TGOLN2: variants seen among roughly 807,000 people sequenced by gnomAD.
The protein encoded by TGOLN2 is trans-Golgi network integral membrane protein 2.
A neutral mutation model predicts 31.3 loss-of-function variants in TGOLN2; 19 were observed. The observed-to-expected ratio is 0.61, with a 90% confidence interval of 0.42 to 0.89. TGOLN2 has a LOEUF of 0.89. Among genes scored for constraint, TGOLN2 ranks in the 40% least tolerant of loss-of-function variants. The pLI, the probability that TGOLN2 is intolerant of heterozygous loss-of-function variation, is 0.00. For missense variants in TGOLN2, 540 were observed against 559.2 expected (o/e 0.97, Z 0.35); for synonymous variants, 222 against 226.7 (o/e 0.98, Z 0.19).
chr2:85,322,478 G>C lies in TGOLN2; in HGVS notation c.*258C>G, dbSNP rs1682581034. 1 of 611,548 alleles carries C rather than the reference G, an allele frequency of 1.6e-6. No homozygotes were observed. Among genetic ancestry groups the C allele is most frequent in the African/African-American group, 1.9e-5 (1 of 52,748 alleles). 37.9% of individuals were successfully genotyped at this position (611,548 alleles called of 1,614,324 possible). On this transcript the variant is annotated 3_prime_UTR_variant, in exon 4 of 4. Transcript: ENST00000377386. ...TGGAAGCCACCAGCATAAATAAAGGGAACACAGAAGAACAATGTCACCAAA... is the reference window on the plus strand; with the variant it reads ...TGGAAGCCACCAGCATAAATAAAGGCAACACAGAAGAACAATGTCACCAAA...
intron 3 of TGOLN2, chr2:85,324,299 A>G (rs1682653402): frequency 6.6e-6 from 1 of 152,414 alleles, no homozygotes. Context: ...TGGCGCCTGT[A>G]ATCCTAGCTA....
At position 85,322,635 on chromosome 2, in the gene TGOLN2, G is replaced by A; in HGVS notation, c.*101C>T. 1 of 1,582,162 alleles carries A rather than the reference G, an allele frequency of 6.3e-7. No homozygotes were observed. The highest frequency in any genetic ancestry group is 1.2e-5 in the South Asian group (1 of 85,258). ...CTTTTGATTTAGAAACAAATCAGCA[G>A]GGAGGACAAGGTTCTCAAGGACAAA... On this transcript the variant is annotated 3_prime_UTR_variant, in exon 4 of 4. Coordinates refer to ENST00000377386, the MANE Select transcript of TGOLN2 (RefSeq NM_006464.4).
In TGOLN2 at chr2:85,318,278, T is replaced by C. The variant is rs932302638; in HGVS notation, c.*4458A>G. ...AAAAGAAGAGAAACAATTTCAACCATTAATCATTTATCAAACATGAAGTCT... is the reference window on the plus strand; with the variant it reads ...AAAAGAAGAGAAACAATTTCAACCACTAATCATTTATCAAACATGAAGTCT... On this transcript the variant is annotated 3_prime_UTR_variant, in exon 4 of 4. Coordinates refer to ENST00000377386, the MANE Select transcript of TGOLN2 (RefSeq NM_006464.4). The C allele has an allele frequency of 3.3e-5, 5 of 152,136 alleles. No homozygotes were observed. Among genetic ancestry groups the C allele is most frequent in the East Asian group, 1.9e-4 (1 of 5,206 alleles). 9.4% of individuals were successfully genotyped at this position (152,136 alleles called of 1,614,324 possible).
chr2:85,327,545 G>T lies in TGOLN2; in HGVS notation c.187C>A (p.Pro63Thr). 1 of 1,614,072 alleles carries T rather than the reference G, an allele frequency of 6.2e-7. No homozygotes were observed. Among genetic ancestry groups the T allele is most frequent in the Non-Finnish European group, 8.5e-7 (1 of 1,179,914 alleles). Residue 63 changes from proline to threonine, a missense_variant, in exon 2 of 4, where the codon CCA (proline) becomes ACA (threonine). By Grantham distance (38) the Pro-to-Thr change is conservative (BLOSUM62 -1). Transcript: ENST00000377386. The part of the protein sequence containing the change: ...STKSHPEPQT[P>T]KDSPSKSSAE... ...CTCGACTTGCTAGGGCTGTCTTTTG[G>T]AGTCTGCGGCTCCGGATGCGACTTG... is the stretch of plus-strand genomic sequence containing the variant.
intron 2 of TGOLN2, among the ~76,000 whole-genome samples, chr2:85,326,019 T>C (rs576533196): frequency 6.6e-6 from 1 of 152,192 alleles, no homozygotes; most frequent in Admixed American, 6.5e-5. Context: ...CTAATTATTA[T>C]TAATTGCAGA....
chr2:85,326,361 A>T, intron 2 of TGOLN2, 147 bp downstream of exon 2: 1 of 686,546 alleles, frequency 1.5e-6, no homozygotes, highest in Non-Finnish European at 2.4e-6. Flanking sequence ...AAGAGTAAAG[A>T]GGCCTAATAG....
At chr2:85,325,640 G>A (rs1360580474) in intron 2 of TGOLN2, among the ~76,000 whole-genome samples, 1 of 152,054 alleles carries the variant, frequency 6.6e-6, no homozygotes, top group Non-Finnish European at 1.5e-5. Context: ...ACCACATCTG[G>A]CTAATTTTTT....
chr2:85,323,803 G>A (rs1682633279), intron 3 of TGOLN2, among the ~76,000 whole-genome samples: 1 of 152,214 alleles, frequency 6.6e-6, no homozygotes, highest in South Asian at 2.1e-4. Flanking sequence ...CCAATGTCCT[G>A]GCTGTTGCTA....
At chr2:85,322,888 T>C in intron 3 of TGOLN2, 147 bp from the exon 4 acceptor site, 1 of 1,351,696 alleles carries the variant, frequency 7.4e-7, no homozygotes, top group East Asian at 2.5e-5. Context: ...ACTAGAAAGA[T>C]ATACACTTGA....
At position 85,327,131 on chromosome 2, in the gene TGOLN2, G is replaced by C. The variant is rs757086445; in HGVS notation, c.601C>G (p.Gln201Glu). ...TTGTTAGGGACGTCTTTTGGGGTCT[G>C]ATCCTCCGCACCCGACTTGCTGGAG... is the stretch of plus-strand genomic sequence containing the variant. ...DGSSKSGAED[Q>E]TPKDVPNKSG... Residue 201 changes from glutamine to glutamate, a missense_variant, in exon 2 of 4, where the codon CAG becomes GAG. Gln to Glu is a conservative substitution (Grantham distance 29, BLOSUM62 2). Coordinates refer to ENST00000377386, the MANE Select transcript of TGOLN2 (RefSeq NM_006464.4). 8.1e-6 allele frequency: 13 copies of C among 1,613,514 alleles called. No individual in the cohort carries two copies. In the African/African-American group the frequency reaches 1.2e-4, roughly 15 times the overall value.
At position 85,322,528 on chromosome 2, in the gene TGOLN2, C is replaced by A; in HGVS notation, c.*208G>T. On this transcript the variant is annotated 3_prime_UTR_variant, in exon 4 of 4. Coordinates refer to ENST00000377386, the MANE Select transcript of TGOLN2 (RefSeq NM_006464.4). ...AGTGCAGGTGCAAAGCCCAAAGCAG[C>A]CCCCTACCTCTGCCAGCCCAGACCC... 3.0e-6 allele frequency: 3 copies of A among 993,926 alleles called. No homozygotes were observed. The highest frequency in any genetic ancestry group is 2.9e-6 in the Non-Finnish European group (2 of 686,720). The allele number at this position is 993,926 out of a possible 1,614,324, so 61.6% of individuals were successfully genotyped here.
At position 85,320,825 on chromosome 2, in the gene TGOLN2, T is replaced by TA. The variant is rs1220190046; in HGVS notation, c.*1910dup. On this transcript the variant is annotated 3_prime_UTR_variant, in exon 4 of 4. Transcript: ENST00000377386. Reference sequence around the variant, plus strand: ...GGGGAATTTCCATTTGGATGGTCAATAGTGTCCAGTTCTGCCAAGGACAAG... The same window carrying TA: ...GGGGAATTTCCATTTGGATGGTCAATAAGTGTCCAGTTCTGCCAAGGACAAG... 1 of 152,142 alleles carries TA rather than the reference T, an allele frequency of 6.6e-6. No individual in the cohort carries two copies. The highest frequency in any genetic ancestry group is 1.5e-5 in the Non-Finnish European group (1 of 68,026). The allele number at this position is 152,142 out of a possible 1,614,324, so 9.4% of individuals were successfully genotyped here. A position where few individuals can be genotyped will look rare whatever the true frequency, so the allele number is the denominator to read the frequency against.
In TGOLN2 at chr2:85,326,678, T is replaced by C. The variant is rs751600539; in HGVS notation, c.1054A>G (p.Ser352Gly). The C allele has an allele frequency of 1.2e-6, 2 of 1,614,054 alleles. No individual in the cohort carries two copies. The highest frequency in any genetic ancestry group is 1.7e-6 in the Non-Finnish European group (2 of 1,179,888). The change falls in exon 2 of 4, where the codon AGT becomes GGT. Residue 352 changes from serine to glycine, a missense_variant. Transcript: ENST00000377386. ...GAAAGTGTCCCTTCACGGTTCTCAC[T>C]GGAGGCAGAACCGGACATCTTTTCT... ...EKEKMSGSAS[S>G]ENREGTLSDS...
chr2:85,327,734 G>A lies in TGOLN2; in HGVS notation c.47-49C>T, dbSNP rs1423900697. The A allele has an allele frequency of 6.4e-6, 10 of 1,558,524 alleles. No homozygotes were observed. The African/African-American group carries it at 6.8e-5, about 11-fold the overall frequency. On this transcript the variant is annotated intron_variant, in intron 1 of 3. Coordinates refer to ENST00000377386, the MANE Select transcript of TGOLN2 (RefSeq NM_006464.4). Reference sequence around the variant, plus strand: ...ACCGGAGAAGGGCAGGCGGGAAGAAGGAACTCCTCAGAACTGGAAGAGATC... The same window carrying A: ...ACCGGAGAAGGGCAGGCGGGAAGAAAGAACTCCTCAGAACTGGAAGAGATC...
rs376456495 is a variant in TGOLN2, at chr2:85,327,066, G to T, written c.666C>A (p.Asn222Lys). ...AEKQTPKDGS[N>K]KSGAEEQGPI... ...GGCCCTGCTCCTCTGCACCGGACTT[G>T]TTAGAGCCGTCTTTTGGAGTCTGCT... The change falls in exon 2 of 4, where the codon AAC (asparagine) becomes AAA (lysine). Residue 222 changes from asparagine (N) to lysine (K), a missense_variant. Coordinates refer to ENST00000377386, the MANE Select transcript of TGOLN2 (RefSeq NM_006464.4). 6.2e-6 allele frequency: 10 copies of T among 1,613,058 alleles called. No homozygotes were observed. In the Admixed American group the frequency reaches 1.7e-4, roughly 27 times the overall value.
Position 85,324,935 on chromosome 2 carries a change from A to G in TGOLN2, c.1288T>C (p.Tyr430His), listed in dbSNP as rs1164018051. 6.4e-7 allele frequency: 1 copy of G among 1,555,450 alleles called. No individual in the cohort carries two copies. The highest frequency in any genetic ancestry group is 8.7e-7 in the Non-Finnish European group (1 of 1,148,654). ...CTTACCTTCTGGTCCAAACGTTGGT[A>G]GTCACTGGCCTTTGGCCGCCGGGTG... ...KVTRRPKASD[Y>H]QRLDQKS The change falls in exon 3 of 4, where the codon TAC (tyrosine) becomes CAC (histidine). Residue 430 changes from tyrosine to histidine, a missense_variant. Transcript: ENST00000377386.
In TGOLN2 at chr2:85,320,784, C is replaced by T. The variant is rs1682519996; in HGVS notation, c.*1952G>A. ...CAAGATAAGGCAAAGGACCATTTGT[C>T]AGAGACACCAAGAAAGGGGAATTTC... On this transcript the variant is annotated 3_prime_UTR_variant, in exon 4 of 4. Transcript: ENST00000377386. 6.6e-6 allele frequency: 1 copy of T among 152,188 alleles called. No homozygotes were observed. Among genetic ancestry groups the T allele is most frequent in the African/African-American group, 2.4e-5 (1 of 41,422 alleles). The allele number at this position is 152,188 out of a possible 1,614,324, so 9.4% of individuals were successfully genotyped here. A position where few individuals can be genotyped will look rare whatever the true frequency, so the allele number is the denominator to read the frequency against.
Position 85,327,070 on chromosome 2 carries a change from G to A in TGOLN2, c.662C>T (p.Ser221Phe). The change falls in exon 2 of 4, where the codon TCT (serine) becomes TTT (phenylalanine). Residue 221 changes from serine to phenylalanine, a missense_variant. Transcript: ENST00000377386. Reference sequence around the variant, plus strand: ...CTGCTCCTCTGCACCGGACTTGTTAGAGCCGTCTTTTGGAGTCTGCTTCTC... The same window carrying A: ...CTGCTCCTCTGCACCGGACTTGTTAAAGCCGTCTTTTGGAGTCTGCTTCTC... Reference protein sequence around the residue: ...GAEKQTPKDGSNKSGAEEQGP... With the variant: ...GAEKQTPKDGFNKSGAEEQGP... 6.2e-7 allele frequency: 1 copy of A among 1,613,682 alleles called. No individual in the cohort carries two copies. The highest frequency in any genetic ancestry group is 8.5e-7 in the Non-Finnish European group (1 of 1,179,742).
chr2:85,323,458 C>T (rs1189594879), intron 3 of TGOLN2, among the ~76,000 whole-genome samples: 3 of 151,962 alleles, frequency 2.0e-5, no homozygotes, highest in Non-Finnish European at 4.4e-5. Context: ...CCCACCTACT[C>T]GGGAGGCTGA....
Sources: gnomAD v4.1 joint callset for allele counts (sites outside exome capture counted in the v4.1 genomes callset) on GRCh38, gnomAD v4.1.1 for gene constraint, MANE v1.5 for transcripts, NCBI Gene and HGNC (gene_info 2026-07-23, HGNC 2026-07-21) for gene names.